Variants in MEIS2 observed in about 807,000 individuals in gnomAD.
MEIS2 encodes the protein homeobox protein Meis2.
MEIS2 carries 9 observed loss-of-function variants against 58.6 expected under a neutral mutation model. The observed-to-expected ratio is 0.15, with a 90% confidence interval of 0.09 to 0.27. The LOEUF (loss-of-function observed/expected upper bound fraction) is 0.27. Ranked by LOEUF, MEIS2 falls within the 10% of genes least tolerant of loss-of-function variation. MEIS2 has a pLI of 1.00. For synonymous variants in MEIS2, 221 were observed against 228.4 expected, an observed-to-expected ratio of 0.97 and a Z score of 0.29; for missense variants, 427 against 635.0, an observed-to-expected ratio of 0.67 and a Z score of 3.52.
At chr15:36,950,422 T>C in intron 8 of MEIS2, 22 bp from the exon 9 acceptor site, 1 of 1,604,590 alleles carries the variant, frequency 6.2e-7, no homozygotes. Context: ...ACAAATGTTT[T>C]AAAAGATGGA....
chr15:36,892,320 C>A lies in MEIS2; in HGVS notation c.1287G>T (p.Leu429Phe). The A allele has an allele frequency of 6.2e-7, 1 of 1,613,494 alleles. No individual in the cohort carries two copies. The highest frequency in any genetic ancestry group is 8.5e-7 in the Non-Finnish European group (1 of 1,179,850). Reference protein sequence around the residue: ...LRHGPPMHSYLPSHPHHPAMM... With the variant: ...LRHGPPMHSYFPSHPHHPAMM... ...TGGCTGGGTGGTGGGGATGGCTTGG[C>A]AAATATGAATGCATTGGGGGTCCAT... Residue 429 changes from leucine to phenylalanine, a missense_variant, in exon 12 of 12, where the codon TTG (leucine) becomes TTT (phenylalanine). Coordinates refer to ENST00000561208, the MANE Select transcript of MEIS2 (RefSeq NM_170675.5).
At chr15:37,093,193 G>C (rs758777048) in intron 6 of MEIS2, among the ~76,000 whole-genome samples, 11 of 152,154 alleles carry the variant, frequency 7.2e-5, no homozygotes, top group Non-Finnish European at 1.5e-4. Context: ...TCTCTCTCCA[G>C]ACCAGTCCAG....
rs143751650 is a variant in MEIS2, at chr15:37,058,187, G to T, written c.755-21228C>A. Among the ~76,000 whole-genome samples, 488 of 152,170 alleles carry T rather than the reference G, an allele frequency of 3.2e-3. 3 individuals are homozygous for T. Among genetic ancestry groups the T allele is most frequent in the African/African-American group, 0.011 (471 of 41,500 alleles). Reference sequence around the variant, plus strand: ...CTAAGGCCCCCAAAGGATCGTGCATGGGCTTAATTCCCTGCCTGAAAACAG... The same window carrying T: ...CTAAGGCCCCCAAAGGATCGTGCATTGGCTTAATTCCCTGCCTGAAAACAG... On this transcript the variant is annotated intron_variant, in intron 7 of 11. Coordinates refer to ENST00000561208, the MANE Select transcript of MEIS2 (RefSeq NM_170675.5).
At chr15:37,095,867 C>A in intron 3 of MEIS2, 1 of 552,276 alleles carries the variant, frequency 1.8e-6, no homozygotes, top group Non-Finnish European at 3.2e-6. Context: ...CTCAGGGCCT[C>A]GAGTTCCATA....
intron 7 of MEIS2, among the ~76,000 whole-genome samples, chr15:37,043,054 G>C (rs139378083): frequency 7.9e-5 from 12 of 152,296 alleles, no homozygotes; most frequent in African/African-American, 2.2e-4. Flanking sequence ...TTGGCACACT[G>C]TCAAACAAAC....
intron 2 of MEIS2, 119 bp downstream of exon 2, chr15:37,097,848 C>T (rs915919272): frequency 3.1e-4 from 434 of 1,394,384 alleles, no homozygotes; most frequent in Non-Finnish European, 3.8e-4. Flanking sequence ...CAAGCGGCGC[C>T]CGCCCCCCAC....
intron 9 of MEIS2, among the ~76,000 whole-genome samples, chr15:36,905,596 T>C (rs1001142520): frequency 2.6e-5 from 4 of 152,170 alleles, no homozygotes; most frequent in African/African-American, 9.7e-5. Flanking sequence ...AAGGAGCAGA[T>C]ATAATGTAAG....
intron 9 of MEIS2, among the ~76,000 whole-genome samples, chr15:36,940,076 A>G (rs557460408): frequency 1.3e-5 from 2 of 152,340 alleles, no homozygotes; most frequent in African/African-American, 2.4e-5. Flanking sequence ...AGTAGGAGCT[A>G]CAAGTACTGG....
At chr15:37,013,547 G>A (rs1452371051) in intron 8 of MEIS2, among the ~76,000 whole-genome samples, 1 of 149,508 alleles carries the variant, frequency 6.7e-6, no homozygotes, top group African/African-American at 2.5e-5. Flanking sequence ...ACTCCAGCCT[G>A]GGCAACAAGA....
At chr15:37,068,771 A>G (rs1163435221) in intron 7 of MEIS2, among the ~76,000 whole-genome samples, 5 of 152,184 alleles carry the variant, frequency 3.3e-5, no homozygotes. Flanking sequence ...CTCCATGCAC[A>G]TGAAAAAGTT....
At chr15:36,926,695 C>T (rs1035897935) in intron 9 of MEIS2, among the ~76,000 whole-genome samples, 7 of 152,138 alleles carry the variant, frequency 4.6e-5, no homozygotes, top group African/African-American at 1.7e-4. Flanking sequence ...AATAAACATC[C>T]AAAGCACAGA....
At chr15:37,054,742 G>C (rs2063066864) in intron 7 of MEIS2, among the ~76,000 whole-genome samples, 1 of 152,164 alleles carries the variant, frequency 6.6e-6, no homozygotes, top group Non-Finnish European at 1.5e-5. Flanking sequence ...TTTAAAGAGG[G>C]ATGTAGAAAG....
intron 8 of MEIS2, among the ~76,000 whole-genome samples, chr15:36,959,480 C>T (rs771344947): frequency 7.9e-5 from 12 of 152,072 alleles, no homozygotes; most frequent in South Asian, 2.1e-4. Flanking sequence ...CCAATAAATA[C>T]GTGTTGAACT....
chr15:37,052,050 T>A (rs1452921295), intron 7 of MEIS2, among the ~76,000 whole-genome samples: 1 of 152,192 alleles, frequency 6.6e-6, no homozygotes, highest in Non-Finnish European at 1.5e-5. Context: ...TTTAAAACTT[T>A]CAGGAAATTC....
chr15:36,946,636 CTTATT>C (rs1352724154), intron 9 of MEIS2, among the ~76,000 whole-genome samples: 1 of 151,868 alleles, frequency 6.6e-6, no homozygotes, highest in Non-Finnish European at 1.5e-5. Flanking sequence ...TTTACAATTA[CTTATT>C]TTAACTATTT....
At chr15:37,058,228 C>T (rs1888710314) in intron 7 of MEIS2, among the ~76,000 whole-genome samples, 1 of 152,150 alleles carries the variant, frequency 6.6e-6, no homozygotes, top group African/African-American at 2.4e-5. Flanking sequence ...GATGTGGGTT[C>T]CAGCCCACGA....
intron 9 of MEIS2, among the ~76,000 whole-genome samples, chr15:36,899,134 T>C (rs1419966680): frequency 6.6e-6 from 1 of 152,232 alleles, no homozygotes. Context: ...TTTTGATCCA[T>C]AGTGCTATTT....
intron 9 of MEIS2, among the ~76,000 whole-genome samples, chr15:36,947,487 C>A (rs1013580241): frequency 6.6e-6 from 1 of 151,966 alleles, no homozygotes; most frequent in Non-Finnish European, 1.5e-5. Flanking sequence ...TCGCTTGTTA[C>A]TACAGATGTT....
chr15:36,938,983 T>A (rs1409566923), intron 9 of MEIS2, among the ~76,000 whole-genome samples: 1 of 152,220 alleles, frequency 6.6e-6, no homozygotes, highest in Non-Finnish European at 1.5e-5. Context: ...TCAGCCTTTC[T>A]CACTGGACCT....
Sources: gnomAD v4.1 joint callset for allele counts (sites outside exome capture counted in the v4.1 genomes callset) on GRCh38, gnomAD v4.1.1 for gene constraint, MANE v1.5 for transcripts, NCBI Gene and HGNC (gene_info 2026-07-23, HGNC 2026-07-21) for gene names.